The following SPAG16 variants were observed in gnomAD, a reference collection of about 807,000 sequenced individuals.
SPAG16 encodes the protein sperm-associated antigen 16 protein.
A neutral mutation model predicts 80.4 loss-of-function variants in SPAG16; 86 were observed. The observed-to-expected ratio is 1.07, with a 90% CI of 0.90 to 1.28. SPAG16 has a LOEUF of 1.28. Ranked by LOEUF, SPAG16 falls within the 50% of genes most tolerant of loss-of-function variation. SPAG16 has a pLI of 0.00. For synonymous variants in SPAG16, 294 were observed against 265.9 expected (o/e 1.11, Z -1.03); for missense variants, 870 against 765.3 (o/e 1.14, Z -1.61).
At chr2:213,677,496 C>T (rs1282538744) in intron 10 of SPAG16, among the ~76,000 whole-genome samples, 2 of 151,800 alleles carry the variant, frequency 1.3e-5, no homozygotes, top group Non-Finnish European at 2.9e-5. Flanking sequence ...GACTTTAAAC[C>T]AACAAAGATC....
chr2:214,372,977 G>A (rs1699915168), intron 15 of SPAG16, among the ~76,000 whole-genome samples: 2 of 152,166 alleles, frequency 1.3e-5, no homozygotes. Flanking sequence ...CAATGACAAA[G>A]CAGTATTCAC....
At chr2:213,312,493 T>A (rs1257933085) in intron 4 of SPAG16, among the ~76,000 whole-genome samples, 1 of 151,772 alleles carries the variant, frequency 6.6e-6, no homozygotes, top group Non-Finnish European at 1.5e-5. Flanking sequence ...AAAGATACAT[T>A]CTTACTTTTT....
intron 11 of SPAG16, among the ~76,000 whole-genome samples, chr2:213,881,240 G>A (rs2076332669): frequency 1.3e-5 from 2 of 152,096 alleles, no homozygotes; most frequent in South Asian, 4.1e-4. Context: ...AAATGAGATT[G>A]TGTTCCTGAT....
chr2:213,963,224 G>A (rs886975239), intron 12 of SPAG16, among the ~76,000 whole-genome samples: 1 of 150,926 alleles, frequency 6.6e-6, no homozygotes, highest in Non-Finnish European at 1.5e-5. Context: ...GTAAATATTG[G>A]TATGTCGTGT....
intron 14 of SPAG16, among the ~76,000 whole-genome samples, chr2:214,144,750 T>C (rs1399658434): frequency 1.3e-5 from 2 of 152,056 alleles, no homozygotes; most frequent in Admixed American, 1.3e-4. Flanking sequence ...GTTCAGTAAA[T>C]TGACTTTCCA....
intron 5 of SPAG16, among the ~76,000 whole-genome samples, chr2:213,324,510 A>G (rs2063762276): frequency 6.6e-6 from 1 of 152,116 alleles, no homozygotes; most frequent in African/African-American, 2.4e-5. Context: ...ATGGAATCAC[A>G]GTATATTATT....
At chr2:213,715,990 C>G (rs1375153510) in intron 10 of SPAG16, among the ~76,000 whole-genome samples, 1 of 151,958 alleles carries the variant, frequency 6.6e-6, no homozygotes, top group Non-Finnish European at 1.5e-5. Flanking sequence ...AAACTATTAT[C>G]AAGGATTAAT....
At chr2:214,143,970 C>G (rs1396692134) in intron 14 of SPAG16, among the ~76,000 whole-genome samples, 1 of 151,970 alleles carries the variant, frequency 6.6e-6, no homozygotes, top group Non-Finnish European at 1.5e-5. Flanking sequence ...CCAGCCTGAG[C>G]AACATAGCAA....
At chr2:213,411,608 G>C (rs1484374787) in intron 9 of SPAG16, among the ~76,000 whole-genome samples, 1 of 152,176 alleles carries the variant, frequency 6.6e-6, no homozygotes, top group Non-Finnish European at 1.5e-5. Context: ...AGGTCTGACT[G>C]CTCTATCAAA....
chr2:213,908,439 G>T (rs887417560), intron 11 of SPAG16, among the ~76,000 whole-genome samples: 2 of 152,122 alleles, frequency 1.3e-5, no homozygotes, highest in Non-Finnish European at 2.9e-5. Flanking sequence ...CTTGGCCATC[G>T]TGCAAATATT....
chr2:213,412,075 C>T (rs186614799), intron 9 of SPAG16, among the ~76,000 whole-genome samples: 20 of 152,182 alleles, frequency 1.3e-4, no homozygotes, highest in African/African-American at 4.8e-4. Flanking sequence ...CATCTGATTA[C>T]CTACTCCACC....
chr2:214,108,246 C>T lies in SPAG16; in HGVS notation c.1578C>T (p.Ala526=), dbSNP rs753213442. 6.2e-7 allele frequency: 1 copy of T among 1,601,428 alleles called. No individual in the cohort carries two copies. Among genetic ancestry groups the T allele is most frequent in the Non-Finnish European group, 8.5e-7 (1 of 1,170,664 alleles). The change falls in exon 14 of 16, where the codon GCC becomes GCT. Residue 526 remains alanine (A), a synonymous_variant. Transcript: ENST00000331683. ...GTCACATGCATTCTATCAATGATGC[C>T]ATTTTTGATCCCAGGGTAAGTTCAG... The part of the protein sequence containing the change: ...LYGHMHSIND[A]IFDPRGHMIA...
At chr2:214,093,464 T>C (rs1232717368) in intron 13 of SPAG16, among the ~76,000 whole-genome samples, 2 of 151,942 alleles carry the variant, frequency 1.3e-5, no homozygotes, top group Non-Finnish European at 2.9e-5. Context: ...AATAACTGGA[T>C]TATCTATATT....
intron 14 of SPAG16, among the ~76,000 whole-genome samples, chr2:214,140,111 G>A (rs1475200555): frequency 6.6e-6 from 1 of 152,074 alleles, no homozygotes; most frequent in Non-Finnish European, 1.5e-5. Flanking sequence ...ACTTTTACAA[G>A]ATTTCTGAGA....
chr2:213,768,440 T>C (rs2069063252), intron 10 of SPAG16, among the ~76,000 whole-genome samples: 1 of 152,196 alleles, frequency 6.6e-6, no homozygotes, highest in South Asian at 2.1e-4. Context: ...GGCAATATTG[T>C]AGAGTTCTAA....
intron 8 of SPAG16, among the ~76,000 whole-genome samples, chr2:213,369,056 A>G (rs1045776989): frequency 1.3e-5 from 2 of 152,206 alleles, no homozygotes; most frequent in Non-Finnish European, 2.9e-5. Flanking sequence ...GGAGGCTAGA[A>G]ACAATAAAAT....
intron 9 of SPAG16, among the ~76,000 whole-genome samples, chr2:213,468,534 GATAT>G (rs4055801): frequency 8.4e-6 from 1 of 118,822 alleles, no homozygotes; most frequent in Non-Finnish European, 1.7e-5. Context: ...TTTATATATA[GATAT>G]ATATATATGT....
intron 10 of SPAG16, among the ~76,000 whole-genome samples, chr2:213,809,838 CTG>C (rs1559486665): frequency 6.6e-6 from 1 of 152,060 alleles, no homozygotes; most frequent in Non-Finnish European, 1.5e-5. Flanking sequence ...AACATTAACT[CTG>C]TTTCTAGAAA....
At chr2:213,302,639 G>GTT (rs1327691335) in intron 3 of SPAG16, 1 of 80,450 alleles carries the variant, frequency 1.2e-5, no homozygotes, top group Non-Finnish European at 2.5e-5. Context: ...GTGTGTGTGT[G>GTT]TGTGTGTGTG....
Sources: allele counts gnomAD v4.1 joint callset (sites outside exome capture counted in the v4.1 genomes callset), GRCh38; gene constraint gnomAD v4.1.1; transcripts MANE v1.5; gene names NCBI Gene and HGNC (gene_info 2026-07-23, HGNC 2026-07-21).